The following SNCAIP variants were observed in gnomAD, a reference collection of about 807,000 sequenced individuals.
The protein encoded by SNCAIP is synuclein alpha interacting protein.
In SNCAIP, 43 loss-of-function variants were observed where a neutral mutation model predicts 86.7. The observed-to-expected ratio is 0.50, with a 90% CI of 0.39 to 0.64. The LOEUF (loss-of-function observed/expected upper bound fraction) is 0.64, where lower values mean the gene tolerates loss of function less well. SNCAIP is among the 30% of genes least tolerant of loss of function. The pLI is 0.00. For missense variants in SNCAIP, 981 were observed against 1,103.1 expected (o/e 0.89, Z 1.57); for synonymous variants, 417 against 427.2 (o/e 0.98, Z 0.29).
At chr5:122,432,128 T>G in intron 6 of SNCAIP, 46 bp downstream of exon 6, 1 of 829,944 alleles carries the variant, frequency 1.2e-6, no homozygotes, top group South Asian at 1.4e-5. Context: ...TACCATATAA[T>G]CTTCCTACTT....
intron 1 of SNCAIP, among the ~76,000 whole-genome samples, chr5:122,387,846 A>G (rs1016612336): frequency 2.0e-5 from 3 of 152,250 alleles, no homozygotes; most frequent in African/African-American, 4.8e-5. Flanking sequence ...TGATGTGCCA[A>G]TAGTTTATTT....
At chr5:122,389,030 G>A (rs777833428) in intron 1 of SNCAIP, 1 of 152,160 alleles carries the variant, frequency 6.6e-6, no homozygotes, top group Non-Finnish European at 1.5e-5. Context: ...CATCCTGCAA[G>A]TGCAAATTGA....
chr5:122,423,445 C>T lies in SNCAIP; in HGVS notation c.708C>T (p.Thr236=), dbSNP rs377374083. ...AGCACAAGCTGTCCACTGAAGAAAC[C>T]GAGATCTCACCTCCTCTGGTTAAAT... ...HDQHKLSTEE[T]EISPPLVKCG... The change falls in exon 4 of 11, where the codon ACC becomes ACT. Residue 236 remains threonine, a synonymous_variant. Coordinates refer to ENST00000261368, the MANE Select transcript of SNCAIP (RefSeq NM_005460.4). 6.3e-5 allele frequency: 101 copies of T among 1,613,704 alleles called. 1 individual carries two copies. The African/African-American group carries it at 1.0e-3, about 16-fold the overall frequency.
At chr5:122,365,238 T>C (rs950281379) in intron 1 of SNCAIP, among the ~76,000 whole-genome samples, 2 of 152,206 alleles carry the variant, frequency 1.3e-5, no homozygotes, top group Non-Finnish European at 2.9e-5. Flanking sequence ...TTTTATGATA[T>C]ATGCTTTTCC....
intron 1 of SNCAIP, among the ~76,000 whole-genome samples, chr5:122,387,840 G>A (rs1768523749): frequency 6.6e-6 from 1 of 152,244 alleles, no homozygotes; most frequent in Admixed American, 6.5e-5. Flanking sequence ...AAATTGTGAT[G>A]TGCCAATAGT....
chr5:122,445,943 A>G (rs1238958221), intron 8 of SNCAIP, among the ~76,000 whole-genome samples: 4 of 152,020 alleles, frequency 2.6e-5, no homozygotes, highest in African/African-American at 9.7e-5. Context: ...CAATACTAGA[A>G]TAATTTCTTT....
At chr5:122,359,444 A>T (rs189708710) in intron 1 of SNCAIP, among the ~76,000 whole-genome samples, 1 of 151,644 alleles carries the variant, frequency 6.6e-6, no homozygotes, top group Admixed American at 6.6e-5. Context: ...GCTCACTGGA[A>T]CCTCTGCCTC....
At position 122,438,395 on chromosome 5, in the gene SNCAIP, G is replaced by T. The variant is rs35630174; in HGVS notation, c.1297-2234G>T. ...TGGGTGTGAGTGCACCCTGTGTTAA[G>T]GTGGTGTCCTGTCCAGGGATGGTTC... On this transcript the variant is annotated intron_variant, in intron 6 of 10. Coordinates refer to ENST00000261368, the MANE Select transcript of SNCAIP (RefSeq NM_005460.4). Among the ~76,000 whole-genome samples, 37 of 152,304 alleles carry T rather than the reference G, an allele frequency of 2.4e-4. No homozygotes were observed. The East Asian group carries it at 6.8e-3, about 28-fold the overall frequency.
intron 3 of SNCAIP, among the ~76,000 whole-genome samples, chr5:122,421,859 C>T (rs1027972667): frequency 6.6e-6 from 1 of 152,090 alleles, no homozygotes; most frequent in African/African-American, 2.4e-5. Flanking sequence ...CAAGAGAAGG[C>T]ACCAGGCAGC....
chr5:122,431,912 A>AT (rs1295239115), intron 5 of SNCAIP, 57 bp from the exon 6 acceptor site: 3 of 857,486 alleles, frequency 3.5e-6, no homozygotes, highest in Non-Finnish European at 6.0e-6. Flanking sequence ...TCTTTAATGT[A>AT]TTTTTCAAAC....
At chr5:122,401,712 C>A (rs574655289) in intron 2 of SNCAIP, among the ~76,000 whole-genome samples, 102 of 152,276 alleles carry the variant, frequency 6.7e-4, no homozygotes, top group African/African-American at 2.3e-3. Flanking sequence ...CAAAGTGCCA[C>A]AAGTGATTTA....
intron 3 of SNCAIP, among the ~76,000 whole-genome samples, chr5:122,408,752 G>A (rs1773527897): frequency 6.6e-6 from 1 of 152,188 alleles, no homozygotes; most frequent in Non-Finnish European, 1.5e-5. Flanking sequence ...CCTGTGCATG[G>A]AGATGCACAG....
intron 8 of SNCAIP, among the ~76,000 whole-genome samples, chr5:122,448,550 A>G (rs952640199): frequency 1.1e-4 from 16 of 143,954 alleles, no homozygotes; most frequent in African/African-American, 3.6e-4. Flanking sequence ...ATATCCTTCC[A>G]TATTTTTTAT....
chr5:122,351,543 A>T, intron 1 of SNCAIP, among the ~76,000 whole-genome samples: 1 of 129,240 alleles, frequency 7.7e-6, no homozygotes, highest in Non-Finnish European at 1.6e-5. Context: ...TATCAAAAAA[A>T]AAAAAAAAAA....
At chr5:122,324,114 A>G (rs1443482896) in intron 1 of SNCAIP, among the ~76,000 whole-genome samples, 4 of 152,160 alleles carry the variant, frequency 2.6e-5, no homozygotes, top group African/African-American at 4.8e-5. Flanking sequence ...AAAAATTTCT[A>G]TTTGATCTAT....
At chr5:122,383,637 C>T (rs532569824) in intron 1 of SNCAIP, 1 of 152,292 alleles carries the variant, frequency 6.6e-6, no homozygotes, top group East Asian at 1.9e-4. Flanking sequence ...TCCAAGCTCT[C>T]AAGTTCAGGT....
chr5:122,425,599 A>C, intron 5 of SNCAIP, 68 bp downstream of exon 5: 1 of 1,338,762 alleles, frequency 7.5e-7, no homozygotes, highest in Non-Finnish European at 1.1e-6. Context: ...ATTCCTTGTG[A>C]GCTAAAGTGT....
At position 122,450,978 on chromosome 5, in the gene SNCAIP, A is replaced by G. The variant is rs139256839; in HGVS notation, c.2131A>G (p.Met711Val). 1.1e-3 allele frequency: 1,826 copies of G among 1,614,130 alleles called. 20 individuals carry two copies. The African/African-American group carries it at 0.021, about 18-fold the overall frequency. ...PQPIVESVES[M>V]DSAESLHLMI... Reference sequence around the variant, plus strand: ...GCCCATTGTAGAAAGCGTAGAGAGTATGGACAGCGCAGAAAGCCTGCACCT... The same window carrying G: ...GCCCATTGTAGAAAGCGTAGAGAGTGTGGACAGCGCAGAAAGCCTGCACCT... Residue 711 changes from methionine to valine, a missense_variant, in exon 10 of 11, where the codon ATG (methionine) becomes GTG (valine). Physicochemically the swap from Met to Val is conservative, Grantham distance 21 (BLOSUM62 1). Transcript: ENST00000261368.
intron 1 of SNCAIP, among the ~76,000 whole-genome samples, chr5:122,316,631 T>G (rs1240235968): frequency 6.6e-6 from 1 of 152,146 alleles, no homozygotes; most frequent in African/African-American, 2.4e-5. Context: ...GTGGTGGAGT[T>G]TTCTCGTGGA....
Sources: gnomAD v4.1 joint callset for allele counts (sites outside exome capture counted in the v4.1 genomes callset) on GRCh38, gnomAD v4.1.1 for gene constraint, MANE v1.5 for transcripts, NCBI Gene and HGNC (gene_info 2026-07-23, HGNC 2026-07-21) for gene names.